Variants in NOMO1 observed in about 807,000 individuals in gnomAD.
NOMO1 encodes nodal modulator 3.
A neutral mutation model predicts 133.8 loss-of-function variants in NOMO1; 40 were observed. That is an observed-to-expected ratio of 0.30 (90% confidence interval 0.23 to 0.39). The LOEUF (loss-of-function observed/expected upper bound fraction) is 0.39. Ranked by LOEUF, NOMO1 falls within the 10% of genes least tolerant of loss-of-function variation. The pLI is 1.00. For synonymous variants in NOMO1, 236 were observed against 570.5 expected (o/e 0.41, Z 8.36); for missense variants, 462 against 1,419.9 (o/e 0.33, Z 10.84).
chr16:14,893,389 C>G (rs1964434135), intron 29 of NOMO1, among the ~76,000 whole-genome samples: 2 of 151,432 alleles, frequency 1.3e-5, no homozygotes, highest in Non-Finnish European at 2.9e-5. Flanking sequence ...TTTCACCATG[C>G]TGGCCAGGCT....
chr16:14,884,189 GCCAGGGATAGCCA>G (rs1964286638), intron 26 of NOMO1, among the ~76,000 whole-genome samples, 170 bp from the exon 27 acceptor site: 1 of 151,930 alleles, frequency 6.6e-6, no homozygotes, highest in South Asian at 2.1e-4. Flanking sequence ...GTGTCTATGG[GCCAGGGATAGCCA>G]TCTTCTGTCA....
intron 14 of NOMO1, among the ~76,000 whole-genome samples, chr16:14,866,111 G>A (rs1261343852): frequency 2.0e-5 from 3 of 148,128 alleles, no homozygotes; most frequent in Admixed American, 6.7e-5. Context: ...AGGCCGGAGT[G>A]TGGTGGCGCG....
chr16:14,880,534 A>G (rs1673347048), intron 24 of NOMO1, among the ~76,000 whole-genome samples: 1 of 151,178 alleles, frequency 6.6e-6, no homozygotes, highest in Non-Finnish European at 1.5e-5. Flanking sequence ...TGGGACTGCC[A>G]CCATGCATGG....
intron 1 of NOMO1, among the ~76,000 whole-genome samples, chr16:14,837,118 A>C (rs1282973068): frequency 6.6e-6 from 1 of 151,916 alleles, no homozygotes; most frequent in Non-Finnish European, 1.5e-5. Flanking sequence ...CCTGGCCTCA[A>C]GCAGTCCTCC....
rs1397026531 is a variant in NOMO1, at chr16:14,882,606, T to C, written c.3040T>C (p.Tyr1014His). The C allele has an allele frequency of 1.9e-6, 3 of 1,611,528 alleles. No homozygotes were observed. The highest frequency in any genetic ancestry group is 2.7e-5 in the African/African-American group (2 of 74,656). ...AGTTTTTTTGCAGCCGGGATGTGTGTACCACGTTCAGCTCAAGGCAGAAGG... is the reference window on the plus strand; with the variant it reads ...AGTTTTTTTGCAGCCGGGATGTGTGCACCACGTTCAGCTCAAGGCAGAAGG... ...RLRGLLPGCV[Y>H]HVQLKAEGND... Residue 1014 changes from tyrosine (Y) to histidine (H), a missense_variant, in exon 26 of 31, where the codon TAC (tyrosine) becomes CAC (histidine). Transcript: ENST00000287667.
intron 15 of NOMO1, among the ~76,000 whole-genome samples, chr16:14,868,031 A>C (rs1964029598): frequency 1.3e-5 from 1 of 75,002 alleles, no homozygotes; most frequent in East Asian, 3.3e-4. Context: ...CTTTGCACAT[A>C]CTCTCCCCTC....
At chr16:14,834,075 G>T in intron 1 of NOMO1, 59 bp downstream of exon 1, 1 of 215,566 alleles carries the variant, frequency 4.6e-6, no homozygotes, top group Non-Finnish European at 7.3e-6. Context: ...CAGCCTCTCT[G>T]GGCCGCGCTG....
At chr16:14,882,716 T>A in intron 26 of NOMO1, 39 bp downstream of exon 26, 1 of 1,611,612 alleles carries the variant, frequency 6.2e-7, no homozygotes, top group Non-Finnish European at 8.5e-7. Flanking sequence ...TGGGTGTGGG[T>A]GCCTCCCTGA....
chr16:14,858,825 T>C (rs909334279), intron 11 of NOMO1, among the ~76,000 whole-genome samples: 1 of 152,022 alleles, frequency 6.6e-6, no homozygotes, highest in African/African-American at 2.4e-5. Flanking sequence ...GGACAGGACT[T>C]GGGCACAGGA....
chr16:14,869,256 G>A (rs1157294979), intron 16 of NOMO1, among the ~76,000 whole-genome samples: 1 of 151,484 alleles, frequency 6.6e-6, no homozygotes, highest in Non-Finnish European at 1.5e-5. Flanking sequence ...CTTTTATAAT[G>A]GCTTTTTTTG....
intron 22 of NOMO1, among the ~76,000 whole-genome samples, chr16:14,877,646 T>C (rs1964181257): frequency 6.6e-6 from 1 of 151,980 alleles, no homozygotes; most frequent in African/African-American, 2.4e-5. Flanking sequence ...AGGTGACTAA[T>C]AAACACAGAA....
intron 3 of NOMO1, among the ~76,000 whole-genome samples, chr16:14,841,938 T>A (rs1041368095): frequency 2.0e-5 from 3 of 151,918 alleles, no homozygotes; most frequent in East Asian, 1.9e-4. Context: ...GCAAGGGTAG[T>A]TATAGTCCCT....
intron 10 of NOMO1, 22 bp from the exon 11 acceptor site, chr16:14,857,483 T>C (rs1963858910): frequency 1.2e-6 from 2 of 1,607,830 alleles, no homozygotes; most frequent in African/African-American, 2.7e-5. Context: ...TTATCTTCTG[T>C]TTGTGTGTTT....
At chr16:14,884,996 A>G (rs187687581) in intron 27 of NOMO1, among the ~76,000 whole-genome samples, 3,498 of 152,096 alleles carry the variant, frequency 0.023, 122 homozygotes, top group Admixed American at 0.094. Context: ...GGAGGCTTCC[A>G]ATCATGGCAG....
intron 18 of NOMO1, 62 bp from the exon 19 acceptor site, chr16:14,874,974 G>T (rs956584599): frequency 1.9e-6 from 3 of 1,611,132 alleles, no homozygotes; most frequent in Non-Finnish European, 2.5e-6. Flanking sequence ...CTCGTAGAAA[G>T]GTCAAATTCC....
intron 6 of NOMO1, among the ~76,000 whole-genome samples, chr16:14,850,941 A>G (rs1567538353): frequency 6.6e-6 from 1 of 150,390 alleles, no homozygotes; most frequent in Non-Finnish European, 1.5e-5. Context: ...AAAATTAGCC[A>G]GGAATGGTGG....
chr16:14,846,754 G>A (rs758283332), intron 5 of NOMO1, 71 bp downstream of exon 5: 25 of 1,455,730 alleles, frequency 1.7e-5, no homozygotes, highest in Middle Eastern at 2.4e-4. Flanking sequence ...GCTGGGTTTG[G>A]GAGTTTGGAT....
rs557782713 is a variant in NOMO1, at chr16:14,838,987, T to C, written c.255+491T>C. On this transcript the variant is annotated intron_variant, in intron 2 of 30. Coordinates refer to ENST00000287667, the MANE Select transcript of NOMO1 (RefSeq NM_014287.4). ...GTATGTGAAATAAATTTGTACCCTT[T>C]TCCCTCCAATTTTACCTCCCTCTGT... Among the ~76,000 whole-genome samples, 108 of 152,054 alleles carry C rather than the reference T, an allele frequency of 7.1e-4. 2 individuals are homozygous for C. In the East Asian group the frequency reaches 0.019, roughly 27 times the overall value.
At chr16:14,838,180 G>T (rs1963548320) in intron 1 of NOMO1, among the ~76,000 whole-genome samples, 1 of 152,050 alleles carries the variant, frequency 6.6e-6, no homozygotes, top group South Asian at 2.1e-4. Flanking sequence ...GAAAAATAAG[G>T]CATTGTAATA....
Sources: allele counts gnomAD v4.1 joint callset (sites outside exome capture counted in the v4.1 genomes callset), GRCh38; gene constraint gnomAD v4.1.1; transcripts MANE v1.5; gene names NCBI Gene and HGNC (gene_info 2026-07-23, HGNC 2026-07-21).